The following PAX5 variants were observed in gnomAD, a reference collection of about 807,000 sequenced individuals.
PAX5 encodes paired box protein Pax-5.
PAX5 carries 9 observed loss-of-function variants against 43.7 expected under a neutral mutation model. That is an observed-to-expected ratio of 0.21 (90% CI 0.12 to 0.36). The LOEUF (loss-of-function observed/expected upper bound fraction) is 0.36, where lower values mean the gene tolerates loss of function less well. Among genes scored for constraint, PAX5 ranks in the 10% least tolerant of loss-of-function variants. PAX5 has a pLI of 1.00. For synonymous variants in PAX5, 228 were observed against 214.3 expected (o/e 1.06, Z -0.56); for missense variants, 383 against 532.7 (o/e 0.72, Z 2.77).
At chr9:36,976,825 G>A (rs1835475436) in intron 5 of PAX5, among the ~76,000 whole-genome samples, 2 of 152,224 alleles carry the variant, frequency 1.3e-5, no homozygotes, top group Non-Finnish European at 2.9e-5. Context: ...CCCAAGGGCT[G>A]GTGATTCCAC....
intron 1 of PAX5, among the ~76,000 whole-genome samples, chr9:37,024,092 C>T (rs1021344137): frequency 6.6e-6 from 1 of 152,174 alleles, no homozygotes; most frequent in Non-Finnish European, 1.5e-5. Context: ...TGAGTCAGTC[C>T]TTTTGTCTCT....
Position 36,990,847 on chromosome 9 carries a change from C to T in PAX5, c.604+11801G>A, listed in dbSNP as rs564196128. On this transcript the variant is annotated intron_variant, in intron 5 of 9. Transcript: ENST00000358127. The stretch of plus-strand genomic sequence containing the variant: ...AGAGAAGGCCGGGCGCAGTGGCTCA[C>T]GCCTGTAATCCCAGCACTTTGGGAG... Among the ~76,000 whole-genome samples the T allele has an allele frequency of 1.1e-4, 16 of 152,336 alleles. No individual in the cohort carries two copies. The East Asian group carries it at 2.1e-3, about 20-fold the overall frequency.
intron 1 of PAX5, among the ~76,000 whole-genome samples, chr9:37,029,973 G>C (rs553472115): frequency 6.6e-6 from 1 of 152,278 alleles, no homozygotes; most frequent in East Asian, 1.9e-4. Flanking sequence ...GTGGGGGAGG[G>C]GCGATGCTGC....
chr9:36,970,657 G>A (rs1040503436), intron 5 of PAX5, among the ~76,000 whole-genome samples: 1 of 152,156 alleles, frequency 6.6e-6, no homozygotes, highest in Non-Finnish European at 1.5e-5. Context: ...TGGATCTGCT[G>A]AGTCACCTGT....
At chr9:37,006,339 T>C in intron 4 of PAX5, 134 bp downstream of exon 4, 2 of 589,456 alleles carry the variant, frequency 3.4e-6, no homozygotes, top group Non-Finnish European at 6.0e-6. Context: ...CCTTGGAGAA[T>C]GACAAAGAAG....
intron 6 of PAX5, among the ~76,000 whole-genome samples, chr9:36,964,699 C>T (rs79466159): frequency 0.044 from 6,688 of 152,238 alleles, 247 homozygotes; most frequent in Non-Finnish European, 0.062. Context: ...ACTCTCCTCC[C>T]GTGTCAGAGA....
chr9:36,937,560 C>G (rs1831663682), intron 6 of PAX5, among the ~76,000 whole-genome samples: 1 of 152,210 alleles, frequency 6.6e-6, no homozygotes, highest in Non-Finnish European at 1.5e-5. Flanking sequence ...GGGGACACCA[C>G]CTGCTAGGCC....
intron 8 of PAX5, among the ~76,000 whole-genome samples, chr9:36,854,247 A>T (rs1371786241): frequency 6.6e-6 from 1 of 152,188 alleles, no homozygotes; most frequent in African/African-American, 2.4e-5. Context: ...GCGGGACCAA[A>T]CTGTTGACGA....
At chr9:36,855,791 C>G (rs1040351185) in intron 8 of PAX5, among the ~76,000 whole-genome samples, 1 of 152,234 alleles carries the variant, frequency 6.6e-6, no homozygotes, top group Non-Finnish European at 1.5e-5. Context: ...CACACCTACT[C>G]CACGGGGCCG....
At chr9:37,005,291 A>G (rs539008127) in intron 4 of PAX5, among the ~76,000 whole-genome samples, 1 of 152,178 alleles carries the variant, frequency 6.6e-6, no homozygotes, top group Non-Finnish European at 1.5e-5. Flanking sequence ...TACCTTGAGA[A>G]TGGGGATTTT....
chr9:37,000,105 T>G (rs1413951451), intron 5 of PAX5, among the ~76,000 whole-genome samples: 1 of 152,122 alleles, frequency 6.6e-6, no homozygotes, highest in East Asian at 1.9e-4. Context: ...AGTGACAGTC[T>G]CTGCCTCTTT....
intron 8 of PAX5, among the ~76,000 whole-genome samples, chr9:36,880,059 G>A (rs1339266852): frequency 3.9e-5 from 6 of 152,270 alleles, no homozygotes; most frequent in Non-Finnish European, 8.8e-5. Flanking sequence ...CTAGCAAATC[G>A]TTAAATGAAA....
At position 37,015,172 on chromosome 9, in the gene PAX5, T is replaced by G; in HGVS notation, c.235A>C (p.Lys79Gln). The G allele has an allele frequency of 6.2e-7, 1 of 1,614,152 alleles. No individual in the cohort carries two copies. Among genetic ancestry groups the G allele is most frequent in the Middle Eastern group, 1.6e-4 (1 of 6,062 alleles). The change falls in exon 3 of 10, where the codon AAG (lysine) becomes CAG (glutamine). Residue 79 changes from lysine to glutamine, a missense_variant. This residue lies in a region of PAX5 where 33 missense variants were observed against 70.6 expected (regional missense o/e 0.47). Coordinates refer to ENST00000358127, the MANE Select transcript of PAX5 (RefSeq NM_016734.3). This position sits in a 1 kb window ranked among gnomAD's most constrained non-coding sequence, Gnocchi z 4.4. Reference protein sequence around the residue: ...LGRYYETGSIKPGVIGGSKPK... With the variant: ...LGRYYETGSIQPGVIGGSKPK... ...TTGGATCCTCCAATTACCCCAGGCTTGATGCTTCCTGTCTCATAATACCTA... is the reference window on the plus strand; with the variant it reads ...TTGGATCCTCCAATTACCCCAGGCTGGATGCTTCCTGTCTCATAATACCTA...
At chr9:36,939,344 A>G (rs74584009) in intron 6 of PAX5, among the ~76,000 whole-genome samples, 2,713 of 152,164 alleles carry the variant, frequency 0.018, 88 homozygotes, top group African/African-American at 0.059. Flanking sequence ...CCAGTCAAGC[A>G]TCCTTAGCCG....
intron 1 of PAX5, among the ~76,000 whole-genome samples, chr9:37,031,304 C>T (rs554019104): frequency 3.5e-4 from 54 of 152,280 alleles, no homozygotes; most frequent in African/African-American, 1.2e-3. Context: ...TCTGCTTCCC[C>T]GTTTGTTTAA....
rs1158318747 is a variant in PAX5 at position 36,838,843 on chromosome 9, A to G, written c.*1717T>C. 1 of 233,180 alleles carries G rather than the reference A, an allele frequency of 4.3e-6. No homozygotes were observed. Among genetic ancestry groups the G allele is most frequent in the Non-Finnish European group, 8.5e-6 (1 of 118,074 alleles). The allele number at this position is 233,180 out of a possible 1,614,324, so 14.4% of individuals were successfully genotyped here. A position where few individuals can be genotyped will look rare whatever the true frequency, so the allele number is the denominator to read the frequency against. On this transcript the variant is annotated 3_prime_UTR_variant, in exon 10 of 10. Transcript: ENST00000358127. ...AGGCAGCCAAGGCTCAAAGAGGTGC[A>G]GGGTTTTGTCTGAGGTCCCACAGCA... is the stretch of plus-strand genomic sequence containing the variant.
At chr9:36,942,903 A>G (rs1440625743) in intron 6 of PAX5, among the ~76,000 whole-genome samples, 1 of 152,204 alleles carries the variant, frequency 6.6e-6, no homozygotes, top group Non-Finnish European at 1.5e-5. Flanking sequence ...AACGGCCTTC[A>G]GCACTGCTGA....
At chr9:36,963,122 C>G (rs1834112349) in intron 6 of PAX5, among the ~76,000 whole-genome samples, 1 of 152,244 alleles carries the variant, frequency 6.6e-6, no homozygotes, top group African/African-American at 2.4e-5. Context: ...GTCTCCTCAC[C>G]TTCCATCTCT....
chr9:36,967,151 C>T (rs1360044498), intron 5 of PAX5, among the ~76,000 whole-genome samples: 1 of 152,174 alleles, frequency 6.6e-6, no homozygotes, highest in East Asian at 1.9e-4. Flanking sequence ...ACAGTTTTTC[C>T]CAGAGTTGAG....
Sources: gnomAD v4.1 joint callset for allele counts (sites outside exome capture counted in the v4.1 genomes callset) on GRCh38, gnomAD v4.1.1 for gene constraint, gnomAD v4.1.1 regional missense constraint, Gnocchi (gnomAD v3.1) non-coding constraint, MANE v1.5 for transcripts, NCBI Gene and HGNC (gene_info 2026-07-23, HGNC 2026-07-21) for gene names.